MTUS2: variants seen among roughly 807,000 people sequenced by gnomAD.
The protein encoded by MTUS2 is microtubule associated scaffold protein 2.
In MTUS2, 40 loss-of-function variants were observed where a neutral mutation model predicts 114.1. The observed-to-expected ratio is 0.35, with a 90% CI of 0.27 to 0.46. The LOEUF is 0.46. MTUS2 is among the 20% of genes least tolerant of loss of function. The pLI is 1.00. For synonymous variants in MTUS2, 688 were observed against 672.0 expected, an observed-to-expected ratio of 1.02 and a Z score of -0.37; for missense variants, 1,679 against 1,705.4, an observed-to-expected ratio of 0.98 and a Z score of 0.27.
At chr13:29,311,760 A>G (rs186822049) in intron 6 of MTUS2, among the ~76,000 whole-genome samples, 90 of 152,302 alleles carry the variant, frequency 5.9e-4, no homozygotes, top group East Asian at 3.9e-4. Context: ...GGCAACTTCA[A>G]TCACAAAGTT....
At chr13:29,199,127 A>G (rs188997644) in intron 5 of MTUS2, among the ~76,000 whole-genome samples, 1 of 152,332 alleles carries the variant, frequency 6.6e-6, no homozygotes, top group East Asian at 1.9e-4. Flanking sequence ...AAAGAGCCAT[A>G]TAGCCAAGAC....
chr13:29,325,481 A>AAGGGGGGGG (rs1900450700), intron 7 of MTUS2, among the ~76,000 whole-genome samples: 1 of 92,802 alleles, frequency 1.1e-5, no homozygotes, highest in African/African-American at 3.5e-5. Flanking sequence ...GAAAAGAAGA[A>AAGGGGGGGG]GAGGAAGAGG....
chr13:29,307,144 G>T (rs1899507874), intron 6 of MTUS2: 1 of 481,956 alleles, frequency 2.1e-6, no homozygotes, highest in South Asian at 1.7e-5. Flanking sequence ...CATCCTTTCT[G>T]CCCCCTCTGC....
intron 4 of MTUS2, among the ~76,000 whole-genome samples, chr13:29,043,155 T>C (rs2484464): frequency 0.95 from 145,300 of 152,232 alleles, 69,454 homozygotes; most frequent in South Asian, 0.98. Context: ...TCAGTTGAAA[T>C]AATTTTTTAA....
At position 29,375,543 on chromosome 13, in the gene MTUS2, A is replaced by G. The variant is rs1283510849; in HGVS notation, c.3117+16070A>G. The stretch of plus-strand genomic sequence containing the variant: ...TATATATATATATATATATACGTGT[A>G]TATATATATATATACGTATATATAT... On this transcript the variant is annotated intron_variant, in intron 8 of 15. Transcript: ENST00000612955. 5.0e-4 allele frequency among the ~76,000 whole-genome samples: 2 copies of G among 3,966 alleles called. 1 individual carries two copies. Among genetic ancestry groups the G allele is most frequent in the African/African-American group, 8.7e-4 (2 of 2,306 alleles). 2.6% of individuals were successfully genotyped at this position (3,966 alleles called of 152,430 possible).
intron 6 of MTUS2, among the ~76,000 whole-genome samples, chr13:29,312,512 A>T (rs981430100): frequency 6.6e-6 from 1 of 152,218 alleles, no homozygotes; most frequent in Admixed American, 6.5e-5. Flanking sequence ...TTATACGGGG[A>T]GAATGTTAGC....
At chr13:29,375,533 ATATACGTGT>A (rs1566163009) in intron 8 of MTUS2, among the ~76,000 whole-genome samples, 36 of 6,562 alleles carry the variant, frequency 5.5e-3, no homozygotes, top group Non-Finnish European at 7.1e-3. Context: ...ATATATATAT[ATATACGTGT>A]ATATATATAT....
At chr13:29,279,347 T>C (rs1898183102) in intron 5 of MTUS2, among the ~76,000 whole-genome samples, 2 of 152,182 alleles carry the variant, frequency 1.3e-5, no homozygotes, top group Non-Finnish European at 2.9e-5. Flanking sequence ...TCGGTTCAGA[T>C]TGGTTGGGAA....
intron 5 of MTUS2, among the ~76,000 whole-genome samples, chr13:29,216,788 T>C (rs991035587): frequency 6.6e-6 from 1 of 152,218 alleles, no homozygotes; most frequent in African/African-American, 2.4e-5. Context: ...AGCTGCAGAC[T>C]GGAGCGTTTT....
intron 7 of MTUS2, among the ~76,000 whole-genome samples, chr13:29,342,873 T>C (rs1390863050): frequency 6.6e-6 from 1 of 152,130 alleles, no homozygotes. Flanking sequence ...CATAAAGGGA[T>C]GGTGGATTTT....
chr13:29,041,489 G>A (rs116481775), intron 4 of MTUS2, among the ~76,000 whole-genome samples: 1,535 of 152,130 alleles, frequency 0.01, 24 homozygotes, highest in African/African-American at 0.035. Context: ...GAATGATGGT[G>A]GTATATTGAT....
Position 29,026,771 on chromosome 13 carries a change from A to G in MTUS2, c.2073A>G (p.Pro691=). 3 of 1,613,900 alleles carry G rather than the reference A, an allele frequency of 1.9e-6. No individual in the cohort carries two copies. The East Asian group carries it at 6.7e-5, about 36-fold the overall frequency. The change falls in exon 3 of 16, where the codon CCA becomes CCG. Residue 691 remains proline (P), a synonymous_variant. Coordinates refer to ENST00000612955, the MANE Select transcript of MTUS2 (RefSeq NM_001033602.4). ...EEKAAGGDLK[P]SANLYEKFKP... ...AGGCAGCAGGTGGTGACCTGAAGCCATCTGCCAACCTCTATGAGAAATTCA... is the reference window on the plus strand; with the variant it reads ...AGGCAGCAGGTGGTGACCTGAAGCCGTCTGCCAACCTCTATGAGAAATTCA...
At chr13:28,979,591 A>G (rs1884267996) in intron 2 of MTUS2, among the ~76,000 whole-genome samples, 1 of 152,178 alleles carries the variant, frequency 6.6e-6, no homozygotes, top group African/African-American at 2.4e-5. Flanking sequence ...TTTGAAATTA[A>G]TAGAAGAGTT....
chr13:29,344,561 C>G lies in MTUS2; in HGVS notation c.2906-14701C>G, dbSNP rs200329468. Among the ~76,000 whole-genome samples the G allele has an allele frequency of 5.9e-5, 9 of 152,226 alleles. No homozygotes were observed. In the East Asian group the frequency reaches 1.7e-3, roughly 30 times the overall value. ...AGTCCTTATGTGTTGTTAGATGAGT[C>G]TCTTGAAGAGAGCAGATACTTGGTT... On this transcript the variant is annotated intron_variant, in intron 7 of 15. Coordinates refer to ENST00000612955, the MANE Select transcript of MTUS2 (RefSeq NM_001033602.4).
At chr13:29,051,796 A>C (rs767396254) in intron 4 of MTUS2, among the ~76,000 whole-genome samples, 1 of 152,228 alleles carries the variant, frequency 6.6e-6, no homozygotes, top group Non-Finnish European at 1.5e-5. Flanking sequence ...CATGGAGACC[A>C]ATCCTTATTA....
intron 8 of MTUS2, among the ~76,000 whole-genome samples, chr13:29,360,692 C>CG (rs1380265808): frequency 8.1e-6 from 1 of 122,966 alleles, no homozygotes; most frequent in African/African-American, 3.4e-5. Context: ...CCGAACACCC[C>CG]CCCCCCCCCG....
rs751020009 is a variant in MTUS2, at chr13:29,071,409, A to ATTTTTTTTTTTTTTTTTTTT, written c.2447-29349_2447-29330dup. Among the ~76,000 whole-genome samples the ATTTTTTTTTTTTTTTTTTTT allele has an allele frequency of 3.7e-4, 17 of 46,142 alleles. 5 individuals carry two copies. Among genetic ancestry groups the ATTTTTTTTTTTTTTTTTTTT allele is most frequent in the East Asian group, 9.0e-4 (1 of 1,106 alleles). 30.3% of individuals were successfully genotyped at this position (46,142 alleles called of 152,430 possible). ...TTTAAAAGATCTCTATGTTGCTTGA[A>ATTTTTTTTTTTTTTTTTTTT]TTTTTTTTTTTTTTTTTTTTTTTTT... On this transcript the variant is annotated intron_variant, in intron 4 of 15. Transcript: ENST00000612955.
At chr13:29,247,300 A>G (rs1390225915) in intron 5 of MTUS2, among the ~76,000 whole-genome samples, 2 of 152,240 alleles carry the variant, frequency 1.3e-5, no homozygotes, top group African/African-American at 2.4e-5. Flanking sequence ...AAGACCTGAA[A>G]CCATAAAAAT....
At chr13:29,285,099 A>G (rs996849248) in intron 6 of MTUS2, among the ~76,000 whole-genome samples, 1 of 152,014 alleles carries the variant, frequency 6.6e-6, no homozygotes, top group Non-Finnish European at 1.5e-5. Flanking sequence ...AAAAGAAAAA[A>G]AAAAGGAAAA....
Sources: allele counts gnomAD v4.1 joint callset (sites outside exome capture counted in the v4.1 genomes callset), GRCh38; gene constraint gnomAD v4.1.1; transcripts MANE v1.5; gene names NCBI Gene and HGNC (gene_info 2026-07-23, HGNC 2026-07-21).